NRG1: variants seen among roughly 807,000 people sequenced by gnomAD.
The protein encoded by NRG1 is pro-neuregulin-1, membrane-bound isoform.
Under a neutral mutation model 63.8 loss-of-function variants are expected in NRG1, and 18 were observed. That is an observed-to-expected ratio of 0.28 (90% confidence interval 0.19 to 0.42). NRG1 has a LOEUF of 0.42. Ranked by LOEUF, NRG1 falls within the 10% of genes least tolerant of loss-of-function variation. The pLI is 1.00. For synonymous variants in NRG1, 302 were observed against 301.3 expected (o/e 1.00, Z -0.02); for missense variants, 762 against 814.7 (o/e 0.94, Z 0.79).
chr8:32,097,245 A>T (rs1830013771), intron 1 of NRG1, among the ~76,000 whole-genome samples: 1 of 152,160 alleles, frequency 6.6e-6, no homozygotes, highest in South Asian at 2.1e-4. Flanking sequence ...CCATTTACTC[A>T]TTGATGGATA....
At chr8:32,647,620 C>G in intron 5 of NRG1, 2 of 1,457,884 alleles carry the variant, frequency 1.4e-6, no homozygotes, top group Non-Finnish European at 1.8e-6. Flanking sequence ...GACGATTTAT[C>G]GATTTCCCCC....
chr8:32,503,353 T>A lies in NRG1; in HGVS notation c.38-92475T>A, dbSNP rs2129497334. Among the ~76,000 whole-genome samples, 2 of 149,326 alleles carry A rather than the reference T, an allele frequency of 1.3e-5. 1 individual carries two copies. Among genetic ancestry groups the A allele is most frequent in the Non-Finnish European group, 3.0e-5 (2 of 67,288 alleles). The stretch of plus-strand genomic sequence containing the variant: ...TAAATAGATAAACTTTAGTAATTAG[T>A]ATTTTGGTATTTTATTTTCTTTGAA... On this transcript the variant is annotated intron_variant, in intron 1 of 10. Transcript: ENST00000519301.
At chr8:32,139,031 G>A (rs1013739532) in intron 1 of NRG1, among the ~76,000 whole-genome samples, 4 of 152,146 alleles carry the variant, frequency 2.6e-5, no homozygotes, top group Admixed American at 6.5e-5. Flanking sequence ...TTTGTTTTTA[G>A]CATGGCATAA....
intron 1 of NRG1, among the ~76,000 whole-genome samples, chr8:32,557,254 A>T (rs758656573): frequency 2.0e-5 from 3 of 151,878 alleles, no homozygotes; most frequent in Non-Finnish European, 4.4e-5. Flanking sequence ...TGATTAACCC[A>T]CCTCGGCCTC....
At chr8:32,399,266 C>T (rs1380065863) in intron 1 of NRG1, among the ~76,000 whole-genome samples, 9 of 152,160 alleles carry the variant, frequency 5.9e-5, no homozygotes, top group Admixed American at 2.0e-4. Flanking sequence ...AGGTAAAACA[C>T]GTTAATTTTA....
At chr8:32,344,382 C>CTTTCTTTT (rs59156035) in intron 1 of NRG1, among the ~76,000 whole-genome samples, 186 of 65,806 alleles carry the variant, frequency 2.8e-3, no homozygotes, top group Middle Eastern at 7.4e-3. Context: ...TTCTTTCTTT[C>CTTTCTTTT]TCTTTCTTTC....
chr8:31,942,950 G>T (rs1801985531), intron 1 of NRG1, among the ~76,000 whole-genome samples: 1 of 150,616 alleles, frequency 6.6e-6, no homozygotes, highest in African/African-American at 2.5e-5. Context: ...CACTGTTGGT[G>T]GGAATGGACT....
chr8:32,423,705 A>G (rs1816981242), intron 1 of NRG1, among the ~76,000 whole-genome samples: 1 of 152,148 alleles, frequency 6.6e-6, no homozygotes, highest in African/African-American at 2.4e-5. Flanking sequence ...CCTGTGCCAG[A>G]GACCCACTAC....
chr8:32,426,342 T>C (rs1388895479), intron 1 of NRG1, among the ~76,000 whole-genome samples: 3 of 152,178 alleles, frequency 2.0e-5, no homozygotes, highest in African/African-American at 4.8e-5. Context: ...TGCATTTTTA[T>C]GTATATGCCA....
At chr8:32,664,169 TGA>T (rs1589067898) in intron 5 of NRG1, among the ~76,000 whole-genome samples, 1 of 152,102 alleles carries the variant, frequency 6.6e-6, no homozygotes, top group East Asian at 1.9e-4. Flanking sequence ...GTAGTAGAAT[TGA>T]GAGAGACAGA....
chr8:32,765,262 G>T (rs1358139946), exon 12 of NRG1: 2 of 152,078 alleles, frequency 1.3e-5, no homozygotes, highest in Non-Finnish European at 2.9e-5. Context: ...TCAAAACACG[G>T]CTGATAAAGG....
intron 1 of NRG1, among the ~76,000 whole-genome samples, chr8:31,795,664 G>C (rs1203380373): frequency 6.7e-6 from 1 of 148,338 alleles, no homozygotes; most frequent in Admixed American, 6.7e-5. Context: ...TCTTGGCTAG[G>C]TCAGCCCATT....
intron 1 of NRG1, among the ~76,000 whole-genome samples, chr8:31,657,090 T>C (rs1270690154): frequency 6.6e-6 from 1 of 152,216 alleles, no homozygotes; most frequent in Non-Finnish European, 1.5e-5. Context: ...AGCTGCTGAT[T>C]TGATGCATTC....
chr8:31,983,372 T>C (rs961734522), intron 1 of NRG1, among the ~76,000 whole-genome samples: 1 of 152,028 alleles, frequency 6.6e-6, no homozygotes, highest in Non-Finnish European at 1.5e-5. Flanking sequence ...CTCAGGTCAA[T>C]TAACTTCTAA....
intron 1 of NRG1, among the ~76,000 whole-genome samples, chr8:32,391,123 T>C (rs1811701183): frequency 6.6e-6 from 1 of 151,642 alleles, no homozygotes; most frequent in Non-Finnish European, 1.5e-5. Flanking sequence ...TGTGTGTCCT[T>C]TTTTGGGGGG....
chr8:32,694,460 TTG>T (rs1173473589), intron 5 of NRG1, among the ~76,000 whole-genome samples: 1 of 152,208 alleles, frequency 6.6e-6, no homozygotes, highest in Non-Finnish European at 1.5e-5. Context: ...GTATTCTTTA[TTG>T]TGTTTTTTCT....
chr8:32,567,544 G>T (rs116996372), intron 1 of NRG1, among the ~76,000 whole-genome samples: 2,194 of 152,314 alleles, frequency 0.014, 23 homozygotes, highest in Middle Eastern at 0.044. Flanking sequence ...GAGTGTTGCA[G>T]CCTGGTGGTC....
chr8:32,001,978 G>T (rs931002542), intron 1 of NRG1, among the ~76,000 whole-genome samples: 9 of 151,938 alleles, frequency 5.9e-5, no homozygotes, highest in African/African-American at 1.9e-4. Flanking sequence ...TAAGGAGTCA[G>T]GAATTACTGT....
chr8:31,748,212 CTTAT>C (rs1421085019), intron 1 of NRG1, among the ~76,000 whole-genome samples: 2 of 151,904 alleles, frequency 1.3e-5, no homozygotes, highest in Non-Finnish European at 2.9e-5. Flanking sequence ...TTTCTCCAAA[CTTAT>C]TTATGATAAT....
Sources: gnomAD v4.1 joint callset for allele counts (sites outside exome capture counted in the v4.1 genomes callset) on GRCh38, gnomAD v4.1.1 for gene constraint, MANE v1.5 for transcripts, NCBI Gene and HGNC (gene_info 2026-07-23, HGNC 2026-07-21) for gene names.